The following TMEM176B variants were observed in gnomAD, a reference collection of about 807,000 sequenced individuals.
TMEM176B encodes LR8-like protein.
Under a neutral mutation model 30.3 loss-of-function variants are expected in TMEM176B, and 28 were observed. That is an observed-to-expected ratio of 0.92 (90% CI 0.68 to 1.27). The LOEUF is 1.27. Ranked by LOEUF, TMEM176B falls within the 50% of genes most tolerant of loss-of-function variation. The pLI is 0.00. For missense variants in TMEM176B, 349 were observed against 327.4 expected, an observed-to-expected ratio of 1.07 and a Z score of -0.51; for synonymous variants, 123 against 130.3, an observed-to-expected ratio of 0.94 and a Z score of 0.38.
intron 4 of TMEM176B, 104 bp downstream of exon 4, chr7:150,793,440 A>G: frequency 1.3e-6 from 2 of 1,531,766 alleles, no homozygotes; most frequent in South Asian, 2.3e-5. Flanking sequence ...CCCCTCCAAG[A>G]AAGACCCCAA....
chr7:150,791,500 C>T lies in TMEM176B; in HGVS notation c.*31G>A, dbSNP rs1245849197. On this transcript the variant is annotated 3_prime_UTR_variant, in exon 7 of 7. Coordinates refer to ENST00000326442, the MANE Select transcript of TMEM176B (RefSeq NM_001101312.2). ...GGCCCTGGGCTGCCCTAGACAGGGACATGCGGGCACCCCGTGGGGTCTTTG... is the reference window on the plus strand; with the variant it reads ...GGCCCTGGGCTGCCCTAGACAGGGATATGCGGGCACCCCGTGGGGTCTTTG... 1 of 1,596,694 alleles carries T rather than the reference C, an allele frequency of 6.3e-7. No individual in the cohort carries two copies. The highest frequency in any genetic ancestry group is 1.3e-5 in the African/African-American group (1 of 74,558).
At chr7:150,796,647 G>A in intron 1 of TMEM176B, 73 bp from the exon 2 acceptor site, 73 of 1,441,202 alleles carry the variant, frequency 5.1e-5, no homozygotes, top group Non-Finnish European at 6.8e-5. Flanking sequence ...ACAGGTGAAA[G>A]GAGAGAAATA....
chr7:150,792,074 G>A lies in TMEM176B; in HGVS notation c.702C>T (p.Gly234=). ...SLGVGLRNLC[G]QSSQPLNEEG... Reference sequence around the variant, plus strand: ...AACTCACCAGGGGCTGGGAGCTCTGGCCACACAAGTTTCGAAGACCTACTC... The same window carrying A: ...AACTCACCAGGGGCTGGGAGCTCTGACCACACAAGTTTCGAAGACCTACTC... The change falls in exon 6 of 7, where the codon GGC becomes GGT. Residue 234 remains glycine (G), a synonymous_variant. Transcript: ENST00000326442. 8 of 1,613,862 alleles carry A rather than the reference G, an allele frequency of 5.0e-6. No homozygotes were observed. Among genetic ancestry groups the A allele is most frequent in the Non-Finnish European group, 6.8e-6 (8 of 1,179,928 alleles).
rs776696380 is a variant in TMEM176B at position 150,794,056 on chromosome 7, G to C, written c.220C>G (p.Leu74Val). Residue 74 changes from leucine to valine, a missense_variant, in exon 3 of 7, where the codon CTG becomes GTG. Coordinates refer to ENST00000326442, the MANE Select transcript of TMEM176B (RefSeq NM_001101312.2). The part of the protein sequence containing the change: ...QLALGVTQIL[L>V]GVVSCVLGVC... ...CCAAGAACACAACTCACAACCCCCAGCAATATCTGAGTCACCTGCAAGACA... is the reference window on the plus strand; with the variant it reads ...CCAAGAACACAACTCACAACCCCCACCAATATCTGAGTCACCTGCAAGACA... 1 of 1,613,430 alleles carries C rather than the reference G, an allele frequency of 6.2e-7. No individual in the cohort carries two copies. The highest frequency in any genetic ancestry group is 8.5e-7 in the Non-Finnish European group (1 of 1,179,634).
chr7:150,796,879 G>A (rs1798550373), intron 1 of TMEM176B: 1 of 312,222 alleles, frequency 3.2e-6, no homozygotes, highest in Non-Finnish European at 6.1e-6. Context: ...ACTTCAACCT[G>A]GGAGGCTGAG....
chr7:150,794,560 C>G (rs1798446278), intron 2 of TMEM176B, among the ~76,000 whole-genome samples: 5 of 151,910 alleles, frequency 3.3e-5, no homozygotes. Context: ...CAGGGTCACC[C>G]TAATTTTTCA....
intron 2 of TMEM176B, among the ~76,000 whole-genome samples, chr7:150,794,940 CACACACA>C (rs1798468748): frequency 1.3e-5 from 2 of 150,536 alleles, no homozygotes; most frequent in Admixed American, 1.3e-4. Context: ...CACACACACA[CACACACA>C]CCTCTCGAAT....
At chr7:150,791,729 G>T (rs948620970) in intron 6 of TMEM176B, 106 bp from the exon 7 acceptor site, 3 of 1,107,852 alleles carry the variant, frequency 2.7e-6, no homozygotes, top group Non-Finnish European at 3.8e-6. Context: ...GAAAGGAAAA[G>T]GTGACAGGAA....
chr7:150,798,666 C>T (rs1024988609), intron 1 of TMEM176B, among the ~76,000 whole-genome samples: 2 of 152,162 alleles, frequency 1.3e-5, no homozygotes, highest in Non-Finnish European at 2.9e-5. Context: ...CCCACCTCAG[C>T]CTCCCAAAGT....
chr7:150,791,925 C>T (rs991333585), intron 6 of TMEM176B, 131 bp downstream of exon 6: 16 of 1,341,920 alleles, frequency 1.2e-5, no homozygotes, highest in Admixed American at 2.1e-5. Context: ...GGGAGAGCTG[C>T]ATATGGAAAG....
chr7:150,794,162 G>T (rs1798430850), intron 2 of TMEM176B, 91 bp from the exon 3 acceptor site: 5 of 892,854 alleles, frequency 5.6e-6, no homozygotes, highest in Non-Finnish European at 8.8e-6. Flanking sequence ...TACCTAGGTG[G>T]CTCTCCTCTC....
intron 1 of TMEM176B, among the ~76,000 whole-genome samples, chr7:150,799,801 G>A (rs910845085): frequency 2.8e-4 from 43 of 151,484 alleles, no homozygotes; most frequent in African/African-American, 1.0e-3. Flanking sequence ...CCCGCCCCAC[G>A]CCAACCCCTA....
chr7:150,793,108 C>T lies in TMEM176B; in HGVS notation c.580G>A (p.Ala194Thr). 3 of 1,613,696 alleles carry T rather than the reference C, an allele frequency of 1.9e-6. No individual in the cohort carries two copies. Among genetic ancestry groups the T allele is most frequent in the Non-Finnish European group, 1.7e-6 (2 of 1,179,872 alleles). The change falls in exon 5 of 7, where the codon GCT becomes ACT. Residue 194 changes from alanine to threonine, a missense_variant. Transcript: ENST00000326442. Reference protein sequence around the residue: ...ENQWQKEECRAYMQMLRKLFT... With the variant: ...ENQWQKEECRTYMQMLRKLFT... ...CTCACCCTCAGCATCTGCATGTAAG[C>T]TCTACACTCCTCCTTCTGCCATTGG...
intron 1 of TMEM176B, among the ~76,000 whole-genome samples, chr7:150,799,751 G>C (rs2116718616): frequency 6.6e-6 from 1 of 152,006 alleles, no homozygotes; most frequent in East Asian, 1.9e-4. Context: ...AGGGCACCTC[G>C]GGTTCCAGCT....
At chr7:150,800,860 G>A (rs991518101), upstream of TMEM176B, 4 of 966,602 alleles carry the variant, frequency 4.1e-6, no homozygotes, top group South Asian at 4.8e-5. Context: ...GGCGGCCCCC[G>A]GGCCTCCTTC....
In TMEM176B at chr7:150,793,164, C is replaced by A; in HGVS notation, c.524G>T (p.Gly175Val). Residue 175 changes from glycine to valine, a missense_variant, in exon 5 of 7, where the codon GGG (glycine) becomes GTG (valine). By Grantham distance (109) the Gly-to-Val change is moderately radical. Transcript: ENST00000326442. ...DRSDPVFPTT[G>V]YRWMRRSQEN... ...TTGACTTCGCCGCATCCATCTGTAC[C>A]CAGTGGTAGGGAAGACAGGGTCTGA... is the stretch of plus-strand genomic sequence containing the variant. The A allele has an allele frequency of 6.2e-7, 1 of 1,614,184 alleles. No individual in the cohort carries two copies. Among genetic ancestry groups the A allele is most frequent in the Non-Finnish European group, 8.5e-7 (1 of 1,180,036 alleles).
rs780938998 is a variant in TMEM176B at position 150,798,419 on chromosome 7, G to A, written c.-5-1845C>T. Reference sequence around the variant, plus strand: ...GCCTCAGCCTCCCGAGTAACTACAGGCGCCCGCCATCAAGCCCAGCTAATT... The same window carrying A: ...GCCTCAGCCTCCCGAGTAACTACAGACGCCCGCCATCAAGCCCAGCTAATT... On this transcript the variant is annotated intron_variant, in intron 1 of 6. Transcript: ENST00000326442. Among the ~76,000 whole-genome samples the A allele has an allele frequency of 5.5e-4, 83 of 152,162 alleles. 1 individual carries two copies. The highest frequency in any genetic ancestry group is 3.1e-3 in the South Asian group (15 of 4,812).
At chr7:150,798,184 C>G (rs560256113) in intron 1 of TMEM176B, among the ~76,000 whole-genome samples, 3 of 152,186 alleles carry the variant, frequency 2.0e-5, no homozygotes, top group African/African-American at 7.2e-5. Context: ...GAAAATACCC[C>G]CAACCACTGG....
At chr7:150,793,495 T>A in intron 4 of TMEM176B, 49 bp downstream of exon 4, 1 of 1,603,294 alleles carries the variant, frequency 6.2e-7, no homozygotes, top group Non-Finnish European at 8.5e-7. Context: ...GGAGCAGAAT[T>A]CAGGAGGGGG....
Sources: allele counts gnomAD v4.1 joint callset (sites outside exome capture counted in the v4.1 genomes callset), GRCh38; gene constraint gnomAD v4.1.1; transcripts MANE v1.5; gene names NCBI Gene and HGNC (gene_info 2026-07-23, HGNC 2026-07-21).